The following PRKN variants were observed in gnomAD, a reference collection of about 807,000 sequenced individuals.
PRKN encodes the protein E3 ubiquitin-protein ligase parkin.
PRKN carries 56 observed loss-of-function variants against 59.5 expected under a neutral mutation model. The ratio of observed to expected loss-of-function variants is 0.94; its 90% CI spans 0.76 to 1.18. PRKN has a LOEUF of 1.18. Among genes scored for constraint, PRKN ranks in the 50% most tolerant of loss-of-function variants. The pLI is 0.00. For synonymous variants in PRKN, 250 were observed against 222.1 expected (o/e 1.13, Z -1.12); for missense variants, 657 against 596.4 (o/e 1.10, Z -1.06).
chr6:161,636,214 A>C (rs1783514107), intron 7 of PRKN, among the ~76,000 whole-genome samples: 1 of 152,248 alleles, frequency 6.6e-6, no homozygotes, highest in South Asian at 2.1e-4. Flanking sequence ...AGGACAGCCT[A>C]GGGGAGCCGC....
chr6:161,470,551 T>C lies in PRKN; in HGVS notation c.1083+78303A>G, dbSNP rs1246708076. ...AGATGTCCTATGTCTTAGAGGGTTCTGCCCTGGCCCTCCTCTGGCCACACC... is the reference window on the plus strand; with the variant it reads ...AGATGTCCTATGTCTTAGAGGGTTCCGCCCTGGCCCTCCTCTGGCCACACC... On this transcript the variant is annotated intron_variant, in intron 9 of 11. Transcript: ENST00000366898. This position sits in a 1 kb window ranked among gnomAD's most constrained non-coding sequence, Gnocchi z 5.1. 1.3e-5 allele frequency among the ~76,000 whole-genome samples: 2 copies of C among 152,248 alleles called. No individual in the cohort carries two copies. Among genetic ancestry groups the C allele is most frequent in the Non-Finnish European group, 2.9e-5 (2 of 68,044 alleles).
At chr6:161,795,477 G>T (rs1014814938) in intron 6 of PRKN, among the ~76,000 whole-genome samples, 1 of 151,068 alleles carries the variant, frequency 6.6e-6, no homozygotes, top group Non-Finnish European at 1.5e-5. Context: ...CAAGTGATCC[G>T]CCCGCCTCAG....
chr6:161,778,849 C>T (rs1170068504), intron 7 of PRKN, among the ~76,000 whole-genome samples: 2 of 152,176 alleles, frequency 1.3e-5, no homozygotes, highest in Non-Finnish European at 2.9e-5. Flanking sequence ...CCGTAGCAGT[C>T]CAGCTTCCAT....
chr6:161,395,597 C>T lies in PRKN; in HGVS notation c.1084-8720G>A, dbSNP rs1157285551. Among the ~76,000 whole-genome samples the T allele has an allele frequency of 6.6e-6, 1 of 152,194 alleles. No homozygotes were observed. Among genetic ancestry groups the T allele is most frequent in the Non-Finnish European group, 1.5e-5 (1 of 68,038 alleles). On this transcript the variant is annotated intron_variant, in intron 9 of 11. Transcript: ENST00000366898. The surrounding 1 kb of genome is among the most constrained non-coding windows in gnomAD (Gnocchi z 5.0). ...GCAGCAAGGTGGGTGGAAGCTGCTT[C>T]CCCAACACGCTGTGGTCTCAACCAC...
rs79322594 is a variant in PRKN at position 161,535,288 on chromosome 6, G to C, written c.1083+13566C>G. ...TTAGAGGTCTAATTTCTCATGCCTG[G>C]GAATACGGAAAGTGAAAAATATATA... On this transcript the variant is annotated intron_variant, in intron 9 of 11. Transcript: ENST00000366898. Among the ~76,000 whole-genome samples the C allele has an allele frequency of 6.8e-3, 1,040 of 152,112 alleles. 6 individuals are homozygous for C. Among genetic ancestry groups the C allele is most frequent in the Non-Finnish European group, 0.01 (696 of 68,002 alleles).
rs1785856847 is a variant in PRKN, at chr6:161,379,092, G to A, written c.1167+7702C>T. On this transcript the variant is annotated intron_variant, in intron 10 of 11. Transcript: ENST00000366898. This position sits in a 1 kb window ranked among gnomAD's most constrained non-coding sequence, Gnocchi z 4.9. ...TAACTGACTCTCAGGAGCAGGCAGG[G>A]CTGCAGTTATAGAATGGGGTATTTA... 6.6e-6 allele frequency among the ~76,000 whole-genome samples: 1 copy of A among 152,182 alleles called. No individual in the cohort carries two copies. The highest frequency in any genetic ancestry group is 1.5e-5 in the Non-Finnish European group (1 of 68,032).
In PRKN at chr6:161,548,994, A is replaced by T; in HGVS notation, c.943T>A (p.Tyr315Asn). The T allele has an allele frequency of 6.2e-7, 1 of 1,614,164 alleles. No homozygotes were observed. Among genetic ancestry groups the T allele is most frequent in the South Asian group, 1.1e-5 (1 of 91,076 alleles). Residue 315 changes from tyrosine to asparagine, a missense_variant, in exon 9 of 12, where the codon TAC (tyrosine) becomes AAC (asparagine). Physicochemically the swap from Tyr to Asn is moderately radical, Grantham distance 143 (BLOSUM62 -2). Transcript: ENST00000366898. The surrounding 1 kb of genome is among the most constrained non-coding windows in gnomAD (Gnocchi z 4.2). Reference sequence around the variant, plus strand: ...CACTCCTCTGCACCATACTGCTGGTACCGGTTGTACTGCAAAACCCAAAAA... The same window carrying T: ...CACTCCTCTGCACCATACTGCTGGTTCCGGTTGTACTGCAAAACCCAAAAA... ...RILGEEQYNR[Y>N]QQYGAEECVL...
chr6:162,473,474 G>A (rs1583633523), intron 1 of PRKN, among the ~76,000 whole-genome samples: 1 of 152,112 alleles, frequency 6.6e-6, no homozygotes, highest in East Asian at 1.9e-4. Context: ...CTAGAACAGT[G>A]CTGCCCAATA....
chr6:161,709,647 A>G (rs1156870785), intron 7 of PRKN, among the ~76,000 whole-genome samples: 1 of 152,232 alleles, frequency 6.6e-6, no homozygotes. Flanking sequence ...ATCTGAATAA[A>G]GAGCAGAGAC....
chr6:161,865,251 G>A (rs1306497113), intron 6 of PRKN, among the ~76,000 whole-genome samples: 1 of 152,190 alleles, frequency 6.6e-6, no homozygotes, highest in Admixed American at 6.5e-5. Flanking sequence ...GTAAACAGAT[G>A]TACTGTAATC....
chr6:162,227,238 C>A (rs1028666351), intron 3 of PRKN, among the ~76,000 whole-genome samples: 2 of 152,192 alleles, frequency 1.3e-5, no homozygotes, highest in Non-Finnish European at 2.9e-5. Context: ...AACATCCACA[C>A]CCTTTACTCA....
chr6:161,932,139 TA>T (rs970296150), intron 6 of PRKN, among the ~76,000 whole-genome samples: 18 of 152,068 alleles, frequency 1.2e-4, no homozygotes, highest in African/African-American at 3.9e-4. Flanking sequence ...CAGAAATATT[TA>T]AAAAAATCTC....
rs62435880 is a variant in PRKN, at chr6:161,377,136, A to G, written c.1167+9658T>C. On this transcript the variant is annotated intron_variant, in intron 10 of 11. Coordinates refer to ENST00000366898, the MANE Select transcript of PRKN (RefSeq NM_004562.3). This position sits in a 1 kb window ranked among gnomAD's most constrained non-coding sequence, Gnocchi z 4.2. ...GTCACGTGGGGCTACCTGCGGGCCA[A>G]TAAGAGCATCCCAGCAAAGATTTTG... Among the ~76,000 whole-genome samples, 10,677 of 152,330 alleles carry G rather than the reference A, an allele frequency of 0.07. 435 individuals carry two copies. Among genetic ancestry groups the G allele is most frequent in the Non-Finnish European group, 0.08 (5,474 of 68,018 alleles).
At chr6:162,607,102 G>T (rs1415260826) in intron 1 of PRKN, among the ~76,000 whole-genome samples, 2 of 152,124 alleles carry the variant, frequency 1.3e-5, no homozygotes, top group African/African-American at 4.8e-5. Flanking sequence ...ATTTTACACG[G>T]GTGGGGTTTG....
chr6:162,139,827 T>C (rs908625201), intron 4 of PRKN, among the ~76,000 whole-genome samples: 1 of 151,630 alleles, frequency 6.6e-6, no homozygotes, highest in Non-Finnish European at 1.5e-5. Context: ...AGAAGGTGCC[T>C]GCCTGCAAGC....
At chr6:161,966,084 A>G (rs1197627195) in intron 6 of PRKN, among the ~76,000 whole-genome samples, 1 of 152,066 alleles carries the variant, frequency 6.6e-6, no homozygotes, top group Non-Finnish European at 1.5e-5. Context: ...CCATTTCAAG[A>G]TACAGCAAAG....
At chr6:162,112,053 A>C (rs1030439274) in intron 4 of PRKN, among the ~76,000 whole-genome samples, 4 of 152,234 alleles carry the variant, frequency 2.6e-5, no homozygotes, top group Non-Finnish European at 4.4e-5. Context: ...TTTAAGCCAA[A>C]TTGTTTATCT....
chr6:161,412,859 T>C (rs953136864), intron 9 of PRKN, among the ~76,000 whole-genome samples: 55 of 139,468 alleles, frequency 3.9e-4, no homozygotes, highest in East Asian at 9.0e-4. Context: ...TCACTCATTC[T>C]TTCCTCACTC....
intron 4 of PRKN, among the ~76,000 whole-genome samples, chr6:162,134,326 G>A (rs538670258): frequency 6.6e-6 from 1 of 152,182 alleles, no homozygotes; most frequent in Non-Finnish European, 1.5e-5. Flanking sequence ...ACCAGACTTT[G>A]GGTTAAAGGA....
Sources: gnomAD v4.1 joint callset for allele counts (sites outside exome capture counted in the v4.1 genomes callset) on GRCh38, gnomAD v4.1.1 for gene constraint, Gnocchi (gnomAD v3.1) non-coding constraint, MANE v1.5 for transcripts, NCBI Gene and HGNC (gene_info 2026-07-23, HGNC 2026-07-21) for gene names.